GDAP1: variants seen among roughly 807,000 people sequenced by gnomAD.
The protein encoded by GDAP1 is ganglioside induced differentiation associated protein 1, also known as ganglioside-induced differentiation-associated protein 1.
In GDAP1, 34 loss-of-function variants were observed where a neutral mutation model predicts 40.1. That is an observed-to-expected ratio of 0.85 (90% CI 0.64 to 1.13). GDAP1 has a LOEUF of 1.13. Ranked by LOEUF, GDAP1 falls within the 50% of genes most tolerant of loss-of-function variation. The pLI is 0.00. For missense variants in GDAP1, 374 were observed against 433.7 expected (o/e 0.86, Z 1.22); for synonymous variants, 170 against 157.4 (o/e 1.08, Z -0.60).
At chr8:74,477,892 G>A (rs1806651771) in intron 2 of GDAP1, among the ~76,000 whole-genome samples, 1 of 152,152 alleles carries the variant, frequency 6.6e-6, no homozygotes, top group Non-Finnish European at 1.5e-5. Context: ...TAGCAGCATG[G>A]TTGGGGTGGT....
At chr8:74,411,308 T>G (rs1805706816) in intron 2 of GDAP1, among the ~76,000 whole-genome samples, 1 of 149,764 alleles carries the variant, frequency 6.7e-6, no homozygotes, top group African/African-American at 2.6e-5. Flanking sequence ...CTTAGAAATA[T>G]CACTCGTTTT....
At chr8:74,463,739 TG>T (rs1806432821) in intron 2 of GDAP1, among the ~76,000 whole-genome samples, 1 of 152,192 alleles carries the variant, frequency 6.6e-6, no homozygotes, top group Admixed American at 6.5e-5. Flanking sequence ...ATGTAGAAAT[TG>T]GAATATCAAC....
chr8:74,436,910 C>T (rs1467139289), intron 2 of GDAP1, among the ~76,000 whole-genome samples: 1 of 152,054 alleles, frequency 6.6e-6, no homozygotes, highest in East Asian at 1.9e-4. Flanking sequence ...ACCCGGATAT[C>T]CCTCACAATG....
At chr8:74,428,814 T>G (rs1805987744) in intron 2 of GDAP1, among the ~76,000 whole-genome samples, 1 of 151,044 alleles carries the variant, frequency 6.6e-6, no homozygotes, top group South Asian at 2.1e-4. Context: ...AAGCTACAAA[T>G]AAATAAAAGT....
At chr8:74,394,429 A>G (rs910040651) in intron 2 of GDAP1, among the ~76,000 whole-genome samples, 6 of 152,256 alleles carry the variant, frequency 3.9e-5, no homozygotes, top group Admixed American at 3.9e-4. Context: ...AGAGGTAATC[A>G]ATCACTTTGG....
chr8:74,377,895 A>C (rs1440800015), intron 2 of GDAP1, among the ~76,000 whole-genome samples: 3 of 152,246 alleles, frequency 2.0e-5, no homozygotes, highest in Admixed American at 2.0e-4. Flanking sequence ...ATTGTGGATG[A>C]ATGAACAAAC....
intron 2 of GDAP1, among the ~76,000 whole-genome samples, chr8:74,442,772 A>G (rs1199640370): frequency 1.3e-5 from 2 of 152,218 alleles, no homozygotes; most frequent in Non-Finnish European, 2.9e-5. Flanking sequence ...GAGAGGCAGT[A>G]GCAAAGGAAG....
intron 2 of GDAP1, among the ~76,000 whole-genome samples, chr8:74,417,528 C>G (rs1805798310): frequency 6.7e-6 from 1 of 150,156 alleles, no homozygotes; most frequent in South Asian, 2.1e-4. Flanking sequence ...AGGCCTTCTT[C>G]CAAAGTACTG....
chr8:74,475,502 C>A (rs1437079327), intron 2 of GDAP1, among the ~76,000 whole-genome samples: 1 of 152,122 alleles, frequency 6.6e-6, no homozygotes, highest in Non-Finnish European at 1.5e-5. Context: ...TCATTAGTTT[C>A]AAATAACTTC....
At chr8:74,468,147 C>G (rs950401646) in intron 2 of GDAP1, among the ~76,000 whole-genome samples, 2 of 151,892 alleles carry the variant, frequency 1.3e-5, no homozygotes, top group African/African-American at 4.8e-5. Flanking sequence ...TACATACAAG[C>G]ACCATACTCT....
At chr8:74,429,509 G>T (rs896210217) in intron 2 of GDAP1, among the ~76,000 whole-genome samples, 2 of 152,200 alleles carry the variant, frequency 1.3e-5, no homozygotes, top group African/African-American at 4.8e-5. Flanking sequence ...TGGGAAGTCT[G>T]AAATCAATGT....
At chr8:74,392,431 G>A (rs1046055253) in intron 2 of GDAP1, among the ~76,000 whole-genome samples, 1 of 152,134 alleles carries the variant, frequency 6.6e-6, no homozygotes, top group Non-Finnish European at 1.5e-5. Context: ...AATTTGTATG[G>A]CCCATATAGC....
chr8:74,475,207 T>C (rs1032154776), intron 2 of GDAP1, among the ~76,000 whole-genome samples: 1 of 152,114 alleles, frequency 6.6e-6, no homozygotes, highest in Non-Finnish European at 1.5e-5. Flanking sequence ...CTATCTATCT[T>C]ATTATTATTT....
intron 2 of GDAP1, among the ~76,000 whole-genome samples, chr8:74,482,759 T>C (rs1415329244): frequency 4.6e-5 from 7 of 152,238 alleles, no homozygotes; most frequent in African/African-American, 1.7e-4. Context: ...TATTTGAGCC[T>C]GTGATTCTGG....
Position 74,449,463 on chromosome 8 carries a change from G to T in GDAP1, c.166-39215G>T, listed in dbSNP as rs7010451. 5.6e-4 allele frequency among the ~76,000 whole-genome samples: 85 copies of T among 151,864 alleles called. No individual in the cohort carries two copies. In the South Asian group the frequency reaches 0.017, roughly 31 times the overall value. ...CTGACTCTTCAAATTCATGAACATG[G>T]TATATATCTTCATTTATTTAGGTCT... On this transcript the variant is annotated intron_variant, in intron 2 of 2. Transcript: ENST00000523640.
At position 74,454,509 on chromosome 8, in the gene GDAP1, G is replaced by T. The variant is rs1490792798; in HGVS notation, c.166-34169G>T. ...AATACATTTGTACAGAAAGCAGATC[G>T]CATATGAAACTGACCTCAACCAATG... On this transcript the variant is annotated intron_variant, in intron 2 of 2. Transcript: ENST00000523640. 4.8e-5 allele frequency among the ~76,000 whole-genome samples: 4 copies of T among 83,430 alleles called. 2 individuals carry two copies. The highest frequency in any genetic ancestry group is 9.8e-5 in the Non-Finnish European group (4 of 40,994). The allele number at this position is 83,430 out of a possible 152,430, so 54.7% of individuals were successfully genotyped here.
intron 3 of GDAP1, among the ~76,000 whole-genome samples, chr8:74,361,041 C>T (rs1809337333): frequency 6.6e-6 from 1 of 152,084 alleles, no homozygotes; most frequent in African/African-American, 2.4e-5. Context: ...TGATACCCCT[C>T]CTTTTCCTCT....
chr8:74,418,461 G>A (rs1805813015), intron 2 of GDAP1, among the ~76,000 whole-genome samples: 1 of 152,174 alleles, frequency 6.6e-6, no homozygotes. Flanking sequence ...TTGGCAAGTA[G>A]TATAGGAACA....
At chr8:74,404,808 A>G (rs143156078) in intron 2 of GDAP1, among the ~76,000 whole-genome samples, 12 of 149,964 alleles carry the variant, frequency 8.0e-5, no homozygotes, top group Non-Finnish European at 1.5e-4. Flanking sequence ...GGTGCAGAGT[A>G]AGTAATCTCT....
Sources: gnomAD v4.1 joint callset for allele counts (sites outside exome capture counted in the v4.1 genomes callset) on GRCh38, gnomAD v4.1.1 for gene constraint, MANE v1.5 for transcripts, NCBI Gene and HGNC (gene_info 2026-07-23, HGNC 2026-07-21) for gene names.